PPARGC1A: variants seen among roughly 807,000 people sequenced by gnomAD.
PPARGC1A encodes the protein peroxisome proliferator-activated receptor gamma coactivator 1-alpha.
Under a neutral mutation model 88.7 loss-of-function variants are expected in PPARGC1A, and 25 were observed. The ratio of observed to expected loss-of-function variants is 0.28; its 90% CI spans 0.21 to 0.39. The LOEUF is 0.39. Among genes scored for constraint, PPARGC1A ranks in the 10% least tolerant of loss-of-function variants. The pLI, the probability that PPARGC1A is intolerant of heterozygous loss-of-function variation, is 1.00. For missense variants in PPARGC1A, 880 were observed against 968.7 expected (o/e 0.91, Z 1.22); for synonymous variants, 363 against 355.6 (o/e 1.02, Z -0.24).
the PPARGC1A span, among the ~76,000 whole-genome samples, chr4:23,974,780 C>A: frequency 4.0e-3 from 573 of 141,848 alleles, 5 homozygotes; most frequent in Non-Finnish European, 5.1e-3. Flanking sequence ...CTACAGGAAC[C>A]AGCCACCAGG....
upstream of PPARGC1A, among the ~76,000 whole-genome samples, chr4:23,903,617 A>G (rs770379698): frequency 6.6e-5 from 10 of 152,178 alleles, no homozygotes; most frequent in African/African-American, 2.2e-4. Context: ...AAGGAGCTAC[A>G]TTTAAAAAGC....
At chr4:23,908,017 TTAAAGATTTGTATGAAAAA>T (rs1262778871), upstream of PPARGC1A, among the ~76,000 whole-genome samples, 1 of 152,148 alleles carries the variant, frequency 6.6e-6, no homozygotes, top group African/African-American at 2.4e-5. Flanking sequence ...TTTTTGAAGA[TTAAAGATTTGTATGAAAAA>T]AACTGAAAAC....
the PPARGC1A span, among the ~76,000 whole-genome samples, chr4:24,167,958 T>C: frequency 9.9e-5 from 15 of 152,214 alleles, no homozygotes; most frequent in African/African-American, 3.4e-4. Context: ...GGTCTCACCA[T>C]GTTGCCCAAG....
the PPARGC1A span, among the ~76,000 whole-genome samples, chr4:23,997,497 CTTTTTTTTTT>C: frequency 1.0e-5 from 1 of 96,954 alleles, no homozygotes; most frequent in Non-Finnish European, 2.0e-5. Context: ...CAAGAAAGCC[CTTTTTTTTTT>C]TTTTTTTTTT....
the PPARGC1A span, among the ~76,000 whole-genome samples, chr4:24,311,323 G>C: frequency 6.8e-6 from 1 of 146,118 alleles, no homozygotes; most frequent in Admixed American, 6.8e-5. Flanking sequence ...GGATGGTCTC[G>C]ATCTCCTGAC....
intron 2 of PPARGC1A, among the ~76,000 whole-genome samples, chr4:23,844,767 A>ATATGATATATATTATTATG (rs1190403573): frequency 8.8e-6 from 1 of 113,122 alleles, no homozygotes; most frequent in African/African-American, 3.4e-5. Context: ...ATATTATAAT[A>ATATGATATATATTATTATG]ATATATGATA....
chr4:24,351,279 C>T, the PPARGC1A span, among the ~76,000 whole-genome samples: 2 of 150,480 alleles, frequency 1.3e-5, no homozygotes, highest in African/African-American at 4.9e-5. Context: ...CACCTGTAGT[C>T]GTAGCTACTT....
chr4:23,989,263 G>A, the PPARGC1A span, among the ~76,000 whole-genome samples: 2 of 151,876 alleles, frequency 1.3e-5, no homozygotes, highest in Admixed American at 1.3e-4. Flanking sequence ...AAGAGGTCAC[G>A]TCAATAATTA....
the PPARGC1A span, among the ~76,000 whole-genome samples, chr4:24,073,741 T>G: frequency 6.6e-6 from 1 of 152,166 alleles, no homozygotes; most frequent in Non-Finnish European, 1.5e-5. Flanking sequence ...GCTGAGGAAA[T>G]TATCATGTTG....
the PPARGC1A span, among the ~76,000 whole-genome samples, chr4:24,269,791 T>A: frequency 6.6e-6 from 1 of 152,114 alleles, no homozygotes; most frequent in Non-Finnish European, 1.5e-5. Flanking sequence ...GGAATTTAAT[T>A]CAAAAGTCCT....
intron 2 of PPARGC1A, among the ~76,000 whole-genome samples, chr4:23,863,569 G>T (rs1459665569): frequency 6.6e-6 from 1 of 152,130 alleles, no homozygotes; most frequent in African/African-American, 2.4e-5. Flanking sequence ...CTACTGTGTT[G>T]CTCATAGCAT....
At chr4:23,959,715 A>C in the PPARGC1A span, among the ~76,000 whole-genome samples, 4 of 152,272 alleles carry the variant, frequency 2.6e-5, no homozygotes, top group African/African-American at 9.6e-5. Context: ...TATTTATGAC[A>C]GGTCAGTCTT....
chr4:24,290,668 C>T, the PPARGC1A span, among the ~76,000 whole-genome samples: 1 of 152,162 alleles, frequency 6.6e-6, no homozygotes, highest in Admixed American at 6.5e-5. Context: ...AGTTCATTCA[C>T]TCCTGTATCT....
chr4:24,040,506 C>T, the PPARGC1A span, among the ~76,000 whole-genome samples: 3 of 152,116 alleles, frequency 2.0e-5, no homozygotes, highest in Admixed American at 6.6e-5. Flanking sequence ...AGCAAGAGAG[C>T]GTGTGGCACA....
the PPARGC1A span, among the ~76,000 whole-genome samples, chr4:24,210,923 A>ACT: frequency 6.6e-6 from 1 of 151,896 alleles, no homozygotes; most frequent in Non-Finnish European, 1.5e-5. Context: ...GCATTTTCTG[A>ACT]CTCTCTCTCC....
At chr4:24,262,269 C>T in the PPARGC1A span, among the ~76,000 whole-genome samples, 3 of 152,198 alleles carry the variant, frequency 2.0e-5, no homozygotes, top group African/African-American at 4.8e-5. Flanking sequence ...CTTTCAACTA[C>T]ACTTTGCATT....
the PPARGC1A span, among the ~76,000 whole-genome samples, chr4:24,038,219 C>A: frequency 2.0e-5 from 3 of 152,328 alleles, no homozygotes; most frequent in East Asian, 1.9e-4. Context: ...GGCTTTGCTT[C>A]GCATAACTCT....
rs896007260 is a variant in PPARGC1A at position 23,792,682 on chromosome 4, A to G, written c.*3140T>C. 4 of 152,604 alleles carry G rather than the reference A, an allele frequency of 2.6e-5. No individual in the cohort carries two copies. The highest frequency in any genetic ancestry group is 9.7e-5 in the African/African-American group (4 of 41,442). The allele number at this position is 152,604 out of a possible 1,614,324, so 9.5% of individuals were successfully genotyped here. ...TTGTAGATGTGGTACTTACCACGGCATGAAGGCAATGGCCCACGGTCTTCT... is the reference window on the plus strand; with the variant it reads ...TTGTAGATGTGGTACTTACCACGGCGTGAAGGCAATGGCCCACGGTCTTCT... On this transcript the variant is annotated 3_prime_UTR_variant, in exon 13 of 13. Coordinates refer to ENST00000264867, the MANE Select transcript of PPARGC1A (RefSeq NM_013261.5).
At chr4:24,347,617 C>T in the PPARGC1A span, among the ~76,000 whole-genome samples, 2 of 152,216 alleles carry the variant, frequency 1.3e-5, no homozygotes, top group South Asian at 2.1e-4. Context: ...ATGCCTTTTT[C>T]CACCCCTTTA....
Sources: allele counts gnomAD v4.1 joint callset (sites outside exome capture counted in the v4.1 genomes callset), GRCh38; gene constraint gnomAD v4.1.1; transcripts MANE v1.5; gene names NCBI Gene and HGNC (gene_info 2026-07-23, HGNC 2026-07-21).